The following BMERB1 variants were observed in gnomAD, a reference collection of about 807,000 sequenced individuals.
The protein encoded by BMERB1 is bMERB domain containing 1, also known as bMERB domain-containing protein 1.
A neutral mutation model predicts 23.6 loss-of-function variants in BMERB1; 12 were observed. The observed-to-expected ratio is 0.51, with a 90% CI of 0.33 to 0.82. The LOEUF (loss-of-function observed/expected upper bound fraction) is 0.82. BMERB1 is among the 40% of genes least tolerant of loss of function. The pLI is 0.03. For missense variants in BMERB1, 247 were observed against 255.4 expected (o/e 0.97, Z 0.22); for synonymous variants, 122 against 96.6 (o/e 1.26, Z -1.54).
At chr16:15,440,468 T>C (rs2050930631) in intron 1 of BMERB1, among the ~76,000 whole-genome samples, 1 of 152,092 alleles carries the variant, frequency 6.6e-6, no homozygotes, top group South Asian at 2.1e-4. Context: ...GAGGCTGAAA[T>C]AATGCAAATT....
intron 1 of BMERB1, among the ~76,000 whole-genome samples, chr16:15,465,183 C>A (rs1357764440): frequency 6.6e-6 from 1 of 151,880 alleles, no homozygotes; most frequent in Non-Finnish European, 1.5e-5. Context: ...GTCAGTTATG[C>A]AAAATGTCAT....
chr16:15,454,943 T>TA (rs1271101740), intron 1 of BMERB1, among the ~76,000 whole-genome samples: 1 of 152,196 alleles, frequency 6.6e-6, no homozygotes, highest in Non-Finnish European at 1.5e-5. Flanking sequence ...GCTATACAGG[T>TA]AATGAATACT....
chr16:15,438,462 C>CTTTT (rs1241217450), intron 1 of BMERB1, among the ~76,000 whole-genome samples: 2 of 116,136 alleles, frequency 1.7e-5, no homozygotes, highest in Non-Finnish European at 3.7e-5. Context: ...ATTTTCTAGA[C>CTTTT]TATTTTTTTT....
At chr16:15,474,513 G>A (rs1010213802) in intron 1 of BMERB1, among the ~76,000 whole-genome samples, 1 of 151,738 alleles carries the variant, frequency 6.6e-6, no homozygotes, top group Non-Finnish European at 1.5e-5. Flanking sequence ...AGAACTACAG[G>A]CATGTGCCAC....
At chr16:15,453,775 G>A (rs1389756205) in intron 1 of BMERB1, among the ~76,000 whole-genome samples, 1 of 151,822 alleles carries the variant, frequency 6.6e-6, no homozygotes, top group Non-Finnish European at 1.5e-5. Context: ...ACGAGAGGCT[G>A]AGGCTGAAGA....
intron 3 of BMERB1, among the ~76,000 whole-genome samples, chr16:15,575,732 A>G (rs1462183517): frequency 1.3e-5 from 2 of 152,168 alleles, no homozygotes; most frequent in Non-Finnish European, 2.9e-5. Flanking sequence ...AATACCCTCT[A>G]GAGGTTTCCC....
intron 5 of BMERB1, 38 bp from the exon 6 acceptor site, chr16:15,586,679 C>T (rs1287763981): frequency 5.9e-6 from 9 of 1,518,198 alleles, no homozygotes; most frequent in Non-Finnish European, 6.3e-6. Context: ...CTCTCTGTTC[C>T]TTTCTCCCCC....
At chr16:15,548,281 G>A (rs1483323718) in intron 2 of BMERB1, among the ~76,000 whole-genome samples, 4 of 152,132 alleles carry the variant, frequency 2.6e-5, no homozygotes, top group South Asian at 2.1e-4. Flanking sequence ...CACTGCACCC[G>A]CCCTGTGCGT....
chr16:15,525,217 A>C (rs9929455), intron 2 of BMERB1, among the ~76,000 whole-genome samples: 12,519 of 152,124 alleles, frequency 0.082, 1,648 homozygotes, highest in African/African-American at 0.28. Flanking sequence ...CTGCTGCCTG[A>C]TTGCTTGGGC....
intron 1 of BMERB1, among the ~76,000 whole-genome samples, chr16:15,476,256 G>A (rs144730649): frequency 2.0e-5 from 3 of 150,720 alleles, no homozygotes; most frequent in African/African-American, 7.3e-5. Context: ...TCCGCCTCCC[G>A]GGTTCAAGTG....
chr16:15,545,213 T>C (rs553456702), intron 2 of BMERB1, among the ~76,000 whole-genome samples: 1 of 152,176 alleles, frequency 6.6e-6, no homozygotes, highest in Admixed American at 6.5e-5. Flanking sequence ...CCTCAAGTGA[T>C]CCACCTGCCT....
At chr16:15,487,107 C>A (rs188323965) in intron 1 of BMERB1, among the ~76,000 whole-genome samples, 7 of 152,212 alleles carry the variant, frequency 4.6e-5, no homozygotes, top group Admixed American at 4.6e-4. Flanking sequence ...GGCTGAATAA[C>A]CATTACTAAG....
intron 1 of BMERB1, among the ~76,000 whole-genome samples, chr16:15,506,536 T>C (rs971160675): frequency 2.0e-5 from 3 of 152,266 alleles, no homozygotes; most frequent in South Asian, 2.1e-4. Context: ...CTCAAGAAAC[T>C]GACCTCTCGG....
chr16:15,467,157 T>A (rs2051187030), intron 1 of BMERB1, among the ~76,000 whole-genome samples: 1 of 152,204 alleles, frequency 6.6e-6, no homozygotes, highest in African/African-American at 2.4e-5. Context: ...TGAATACTCT[T>A]ATGCAAATTT....
chr16:15,562,621 T>C (rs1727860803), intron 2 of BMERB1, among the ~76,000 whole-genome samples: 1 of 152,176 alleles, frequency 6.6e-6, no homozygotes, highest in Non-Finnish European at 1.5e-5. Context: ...CCCTGGTCTC[T>C]ACCCACTAGA....
intron 3 of BMERB1, among the ~76,000 whole-genome samples, chr16:15,569,926 T>G (rs1350937082): frequency 2.0e-5 from 3 of 152,140 alleles, no homozygotes; most frequent in Non-Finnish European, 2.9e-5. Flanking sequence ...CAAAGGCAGT[T>G]TAGTTGGTGG....
intron 2 of BMERB1, among the ~76,000 whole-genome samples, chr16:15,541,106 C>A (rs917018400): frequency 6.6e-6 from 1 of 152,038 alleles, no homozygotes; most frequent in Admixed American, 6.6e-5. Context: ...CGACCACCTC[C>A]TCGGGTTTGA....
chr16:15,465,422 G>A (rs757342026), intron 1 of BMERB1, among the ~76,000 whole-genome samples: 6 of 149,400 alleles, frequency 4.0e-5, no homozygotes, highest in African/African-American at 1.2e-4. Flanking sequence ...GTATGATCTC[G>A]GCTTACTGCA....
intron 1 of BMERB1, among the ~76,000 whole-genome samples, chr16:15,459,441 A>G (rs905416355): frequency 4.6e-5 from 7 of 152,174 alleles, no homozygotes; most frequent in African/African-American, 1.7e-4. Flanking sequence ...GGATGGAAAA[A>G]TGTATAGCCT....
Sources: allele counts gnomAD v4.1 joint callset (sites outside exome capture counted in the v4.1 genomes callset), GRCh38; gene constraint gnomAD v4.1.1; transcripts MANE v1.5; gene names NCBI Gene and HGNC (gene_info 2026-07-23, HGNC 2026-07-21).